The following CD99 variants were observed in gnomAD, a reference collection of about 807,000 sequenced individuals.
The protein encoded by CD99 is CD99 antigen.
In CD99, 19 loss-of-function variants were observed where a neutral mutation model predicts 28.4. That is an observed-to-expected ratio of 0.67 (90% confidence interval 0.47 to 0.98). The LOEUF (loss-of-function observed/expected upper bound fraction) is 0.98, where lower values mean the gene tolerates loss of function less well. Ranked by LOEUF, CD99 falls within the 50% of genes least tolerant of loss-of-function variation. The pLI, the probability that CD99 is intolerant of heterozygous loss-of-function variation, is 0.00. For missense variants in CD99, 283 were observed against 248.8 expected (o/e 1.14, Z -0.92); for synonymous variants, 103 against 92.1 (o/e 1.12, Z -0.67).
chrX:2,721,577 C>T lies in CD99; in HGVS notation c.263-1050C>T, dbSNP rs138494782. Among the ~76,000 whole-genome samples, 525 of 152,158 alleles carry T rather than the reference C, an allele frequency of 3.5e-3. 5 individuals are homozygous for T. The highest frequency in any genetic ancestry group is 0.012 in the African/African-American group (493 of 41,524). On this transcript the variant is annotated intron_variant, in intron 5 of 9. Transcript: ENST00000381192. ...TCCCAAATCTCTGAGATTACAGGCACGAGTCACCTCACCCAGCCTATATAT... is the reference window on the plus strand; with the variant it reads ...TCCCAAATCTCTGAGATTACAGGCATGAGTCACCTCACCCAGCCTATATAT...
chrX:2,694,910 G>A (rs1401118537), intron 1 of CD99, among the ~76,000 whole-genome samples: 1 of 152,114 alleles, frequency 6.6e-6, no homozygotes, highest in Non-Finnish European at 1.5e-5. Flanking sequence ...AGGTCCTATG[G>A]TGGGTACATG....
intron 1 of CD99, among the ~76,000 whole-genome samples, chrX:2,694,008 A>G (rs766758870): frequency 2.6e-5 from 4 of 152,256 alleles, no homozygotes; most frequent in African/African-American, 9.6e-5. Context: ...TTGAGGGTGG[A>G]AAACCCTGAG....
chrX:2,722,318 T>TTTTTG (rs2049031164), intron 5 of CD99, among the ~76,000 whole-genome samples: 3 of 152,096 alleles, frequency 2.0e-5, no homozygotes, highest in Admixed American at 1.3e-4. Context: ...TATTTATGGT[T>TTTTTG]TTTTGTTTTG....
intron 7 of CD99, among the ~76,000 whole-genome samples, chrX:2,725,385 A>C (rs1468281495): frequency 1.3e-5 from 2 of 152,170 alleles, no homozygotes; most frequent in African/African-American, 4.8e-5. Flanking sequence ...TTGACAGAGC[A>C]AGAACCCATC....
At chrX:2,711,399 GTA>G (rs767824727) in intron 1 of CD99, among the ~76,000 whole-genome samples, 3 of 126,612 alleles carry the variant, frequency 2.4e-5, no homozygotes, top group South Asian at 2.5e-4. Context: ...TGTATATATA[GTA>G]TGTGTGTGTA....
chrX:2,694,974 T>G (rs748962883), intron 1 of CD99, among the ~76,000 whole-genome samples: 1 of 152,256 alleles, frequency 6.6e-6, no homozygotes, highest in Admixed American at 6.5e-5. Context: ...ATTCAGCATT[T>G]AGGAATCATG....
intron 1 of CD99, among the ~76,000 whole-genome samples, chrX:2,708,994 G>T (rs1439575615): frequency 6.6e-6 from 1 of 152,174 alleles, no homozygotes; most frequent in Non-Finnish European, 1.5e-5. Flanking sequence ...GCCTCTGAGG[G>T]CAGGTGGAGC....
intron 9 of CD99, among the ~76,000 whole-genome samples, chrX:2,739,601 C>T (rs1350719923): frequency 2.0e-5 from 3 of 151,950 alleles, no homozygotes; most frequent in Non-Finnish European, 4.4e-5. Flanking sequence ...AGGCACCCGC[C>T]ATCATGCCCC....
intron 5 of CD99, among the ~76,000 whole-genome samples, chrX:2,721,422 A>G (rs1331736988): frequency 1.3e-5 from 2 of 152,002 alleles, no homozygotes; most frequent in Non-Finnish European, 2.9e-5. Flanking sequence ...CAGCCTTTCA[A>G]GTAGCTGGGG....
intron 3 of CD99, 161 bp from the exon 4 acceptor site, chrX:2,719,500 G>C: frequency 1.5e-6 from 1 of 687,318 alleles, no homozygotes; most frequent in East Asian, 2.5e-5. Flanking sequence ...ATGTAAAAAT[G>C]GTCAGGAATT....
At chrX:2,708,290 T>C (rs777204926) in intron 1 of CD99, among the ~76,000 whole-genome samples, 16 of 152,128 alleles carry the variant, frequency 1.1e-4, no homozygotes, top group African/African-American at 3.6e-4. Context: ...TGATTCAGGG[T>C]GCCCACGTCT....
intron 5 of CD99, 95 bp from the exon 6 acceptor site, chrX:2,722,532 C>A: frequency 9.4e-7 from 1 of 1,067,532 alleles, no homozygotes; most frequent in Non-Finnish European, 1.5e-6. Flanking sequence ...TGTTGATGAA[C>A]AGGCCGGTTT....
chrX:2,707,480 G>A (rs1179168804), intron 1 of CD99, among the ~76,000 whole-genome samples: 1 of 152,146 alleles, frequency 6.6e-6, no homozygotes, highest in Non-Finnish European at 1.5e-5. Context: ...TGGCCTCGGG[G>A]ACTTCACTCT....
chrX:2,699,017 C>T (rs2047711122), intron 1 of CD99, among the ~76,000 whole-genome samples: 1 of 151,904 alleles, frequency 6.6e-6, no homozygotes, highest in Non-Finnish European at 1.5e-5. Context: ...GCCTCAACCT[C>T]CTGGGTTCAA....
At chrX:2,726,536 G>T in intron 8 of CD99, 163 bp downstream of exon 8, 1 of 697,508 alleles carries the variant, frequency 1.4e-6, no homozygotes, top group Non-Finnish European at 2.6e-6. Context: ...TTCTGGCTTT[G>T]ATTTCAGGGC....
intron 1 of CD99, among the ~76,000 whole-genome samples, chrX:2,709,411 C>G (rs2048280519): frequency 6.6e-6 from 1 of 152,242 alleles, no homozygotes; most frequent in South Asian, 2.1e-4. Context: ...CACAGGCAAA[C>G]ACGCAGACAC....
At chrX:2,714,340 C>T (rs1022730199) in intron 1 of CD99, 82 bp from the exon 2 acceptor site, 76 of 1,121,020 alleles carry the variant, frequency 6.8e-5, no homozygotes, top group Admixed American at 1.1e-4. Flanking sequence ...AAAGAAAAAT[C>T]GCATATCTTT....
chrX:2,716,790 G>C (rs1419754960), intron 2 of CD99, among the ~76,000 whole-genome samples: 1 of 152,210 alleles, frequency 6.6e-6, no homozygotes, highest in Non-Finnish European at 1.5e-5. Flanking sequence ...ATTCCCTGCA[G>C]TGGGAGGTGC....
chrX:2,724,986 C>T (rs190075073), intron 7 of CD99, among the ~76,000 whole-genome samples: 189 of 151,340 alleles, frequency 1.2e-3, no homozygotes, highest in African/African-American at 4.3e-3. Context: ...AGCTTGAACC[C>T]GGGACGCAGA....
Sources: gnomAD v4.1 joint callset for allele counts (sites outside exome capture counted in the v4.1 genomes callset) on GRCh38, gnomAD v4.1.1 for gene constraint, MANE v1.5 for transcripts, NCBI Gene and HGNC (gene_info 2026-07-23, HGNC 2026-07-21) for gene names.